Variants in MYRIP observed in about 807,000 individuals in gnomAD.
The protein encoded by MYRIP is myosin VIIA and Rab interacting protein, also known as rab effector MyRIP.
A neutral mutation model predicts 98.0 loss-of-function variants in MYRIP; 49 were observed. The observed-to-expected ratio is 0.50, with a 90% CI of 0.40 to 0.63. The LOEUF (loss-of-function observed/expected upper bound fraction) is 0.63, where lower values mean the gene tolerates loss of function less well. Among genes scored for constraint, MYRIP ranks in the 30% least tolerant of loss-of-function variants. MYRIP has a pLI of 0.00. For synonymous variants in MYRIP, 404 were observed against 409.5 expected (o/e 0.99, Z 0.16); for missense variants, 1,004 against 1,058.2 (o/e 0.95, Z 0.71).
At chr3:40,067,910 CTTCT>C (rs1312214768) in intron 3 of MYRIP, among the ~76,000 whole-genome samples, 21 of 152,264 alleles carry the variant, frequency 1.4e-4, no homozygotes, top group African/African-American at 4.6e-4. Flanking sequence ...ATGGTAATGT[CTTCT>C]TTTTACTACC....
chr3:39,839,515 C>T (rs114772329), intron 1 of MYRIP, among the ~76,000 whole-genome samples: 1,939 of 152,268 alleles, frequency 0.013, 45 homozygotes, highest in African/African-American at 0.044. Flanking sequence ...ACCTTGGCCT[C>T]GCAAAATGTT....
At chr3:40,125,033 C>T (rs979075089) in intron 3 of MYRIP, among the ~76,000 whole-genome samples, 25 of 152,302 alleles carry the variant, frequency 1.6e-4, no homozygotes, top group African/African-American at 5.8e-4. Context: ...TAATAAAGTG[C>T]TTGCCCCACA....
At chr3:40,233,606 C>T (rs958277855) in intron 11 of MYRIP, among the ~76,000 whole-genome samples, 2 of 152,160 alleles carry the variant, frequency 1.3e-5, no homozygotes, top group African/African-American at 4.8e-5. Context: ...TCTAGCACTC[C>T]TTCCTCCTTC....
chr3:40,107,603 G>T (rs1397086168), intron 3 of MYRIP, among the ~76,000 whole-genome samples: 1 of 152,102 alleles, frequency 6.6e-6, no homozygotes, highest in African/African-American at 2.4e-5. Context: ...GAAATAGCAG[G>T]TATAAGGCCC....
intron 9 of MYRIP, among the ~76,000 whole-genome samples, chr3:40,184,677 G>A (rs1950980240): frequency 6.6e-6 from 1 of 152,158 alleles, no homozygotes. Flanking sequence ...ACTACAAGAT[G>A]CTCTATTTCA....
chr3:39,926,599 C>T (rs1366204379), intron 2 of MYRIP, among the ~76,000 whole-genome samples: 2 of 151,962 alleles, frequency 1.3e-5, no homozygotes, highest in Non-Finnish European at 2.9e-5. Flanking sequence ...GAGTCCTGTC[C>T]TCATTGCTTC....
chr3:39,882,334 G>A (rs867784530), intron 1 of MYRIP, among the ~76,000 whole-genome samples: 1 of 152,070 alleles, frequency 6.6e-6, no homozygotes, highest in Non-Finnish European at 1.5e-5. Context: ...TCTCATCAAA[G>A]GATATATTAG....
intron 10 of MYRIP, among the ~76,000 whole-genome samples, chr3:40,205,311 C>T (rs889207183): frequency 1.3e-5 from 2 of 152,100 alleles, no homozygotes; most frequent in Non-Finnish European, 1.5e-5. Flanking sequence ...CTTTTGTTAC[C>T]CTAAAGAGCT....
chr3:39,958,785 C>T (rs1434884633), intron 2 of MYRIP, among the ~76,000 whole-genome samples: 1 of 152,160 alleles, frequency 6.6e-6, no homozygotes, highest in Non-Finnish European at 1.5e-5. Flanking sequence ...ACCCATCTGA[C>T]AAAGGGCTAA....
At chr3:39,990,402 T>A (rs1453169703) in intron 2 of MYRIP, among the ~76,000 whole-genome samples, 1 of 152,210 alleles carries the variant, frequency 6.6e-6, no homozygotes, top group East Asian at 1.9e-4. Context: ...AGCCTCTGAT[T>A]GCCACTGCTT....
intron 2 of MYRIP, among the ~76,000 whole-genome samples, chr3:39,901,363 T>C (rs922548307): frequency 6.6e-6 from 1 of 152,168 alleles, no homozygotes; most frequent in South Asian, 2.1e-4. Flanking sequence ...GAAGATCAGA[T>C]ACAAGGAAAC....
At chr3:40,243,322 G>C (rs904137295) in intron 12 of MYRIP, among the ~76,000 whole-genome samples, 2 of 150,456 alleles carry the variant, frequency 1.3e-5, no homozygotes, top group Non-Finnish European at 2.9e-5. Context: ...TAAAACAGAT[G>C]AGTGAATCAT....
chr3:39,982,450 T>C (rs1472537990), intron 2 of MYRIP, among the ~76,000 whole-genome samples: 1 of 152,176 alleles, frequency 6.6e-6, no homozygotes, highest in Non-Finnish European at 1.5e-5. Flanking sequence ...CCAAAGGAAA[T>C]TACCAAATGA....
chr3:39,912,149 T>A (rs1316686246), intron 2 of MYRIP, among the ~76,000 whole-genome samples: 1 of 152,164 alleles, frequency 6.6e-6, no homozygotes, highest in Non-Finnish European at 1.5e-5. Flanking sequence ...GCTCCCATTT[T>A]GTGTCAGCTT....
At chr3:39,815,491 T>C (rs1305579489) in intron 1 of MYRIP, among the ~76,000 whole-genome samples, 1 of 152,152 alleles carries the variant, frequency 6.6e-6, no homozygotes, top group Non-Finnish European at 1.5e-5. Flanking sequence ...TTATTGCTCT[T>C]GTGAATGGGA....
In MYRIP at chr3:39,900,815, C is replaced by T. The variant is rs899553879; in HGVS notation, c.-2C>T. ...TTGTTTCATCATCTGTGTTGAGTAA[C>T]CATGGGGAGGAAGCTGGACCTGTCT... is the stretch of plus-strand genomic sequence containing the variant. On this transcript the variant is annotated 5_prime_UTR_variant, in exon 2 of 17. Coordinates refer to ENST00000302541, the MANE Select transcript of MYRIP (RefSeq NM_015460.4). 6.2e-7 allele frequency: 1 copy of T among 1,612,142 alleles called. No individual in the cohort carries two copies. The highest frequency in any genetic ancestry group is 1.3e-5 in the African/African-American group (1 of 74,822).
At chr3:39,845,376 C>T (rs1316170868) in intron 1 of MYRIP, among the ~76,000 whole-genome samples, 3 of 152,154 alleles carry the variant, frequency 2.0e-5, no homozygotes, top group Non-Finnish European at 1.5e-5. Context: ...AAATACCCCT[C>T]ATTTGGGAAT....
At chr3:40,074,506 G>A (rs1366146392) in intron 3 of MYRIP, among the ~76,000 whole-genome samples, 1 of 152,062 alleles carries the variant, frequency 6.6e-6, no homozygotes, top group Non-Finnish European at 1.5e-5. Flanking sequence ...AAATTTTATA[G>A]TATTAAATTT....
At chr3:39,883,394 A>G (rs1167727791) in intron 1 of MYRIP, among the ~76,000 whole-genome samples, 1 of 152,212 alleles carries the variant, frequency 6.6e-6, no homozygotes, top group Non-Finnish European at 1.5e-5. Flanking sequence ...ATAACCGTGT[A>G]CAAGTGTAGA....
Sources: allele counts gnomAD v4.1 joint callset (sites outside exome capture counted in the v4.1 genomes callset), GRCh38; gene constraint gnomAD v4.1.1; transcripts MANE v1.5; gene names NCBI Gene and HGNC (gene_info 2026-07-23, HGNC 2026-07-21).